GABRR3: variants seen among roughly 807,000 people sequenced by gnomAD.
The protein encoded by GABRR3 is gamma-aminobutyric acid receptor subunit rho-3.
In GABRR3, 29 loss-of-function variants were observed where a neutral mutation model predicts 43.2. The ratio of observed to expected loss-of-function variants is 0.67; its 90% CI spans 0.50 to 0.92. GABRR3 has a LOEUF of 0.92. GABRR3 is among the 40% of genes least tolerant of loss of function. The pLI, the probability that GABRR3 is intolerant of heterozygous loss-of-function variation, is 0.00. For synonymous variants in GABRR3, 206 were observed against 195.9 expected (o/e 1.05, Z -0.43); for missense variants, 576 against 572.3 (o/e 1.01, Z -0.07).
At chr3:98,020,263 G>T (rs1450434773) in intron 3 of GABRR3, among the ~76,000 whole-genome samples, 1 of 152,044 alleles carries the variant, frequency 6.6e-6, no homozygotes, top group Non-Finnish European at 1.5e-5. Context: ...TATAAAATTT[G>T]TCTAGTAATA....
intron 5 of GABRR3, among the ~76,000 whole-genome samples, chr3:98,009,677 T>C (rs927496148): frequency 2.6e-5 from 4 of 152,190 alleles, no homozygotes; most frequent in Non-Finnish European, 5.9e-5. Context: ...TGATCTTGCC[T>C]CAAAGTAGAA....
chr3:98,027,290 G>A (rs1559781787), intron 2 of GABRR3, among the ~76,000 whole-genome samples: 1 of 152,138 alleles, frequency 6.6e-6, no homozygotes, highest in Non-Finnish European at 1.5e-5. Flanking sequence ...TTTGGGGTAT[G>A]ACAATTTGCA....
intron 4 of GABRR3, among the ~76,000 whole-genome samples, chr3:98,015,356 C>A (rs1392690759): frequency 6.6e-6 from 1 of 152,106 alleles, no homozygotes; most frequent in East Asian, 1.9e-4. Context: ...CCACACCCAG[C>A]TAATTTTTTT....
downstream of GABRR3, chr3:97,986,598 C>T (rs776445555): frequency 5.6e-6 from 5 of 899,010 alleles, no homozygotes; most frequent in Non-Finnish European, 8.2e-6. Flanking sequence ...TTCCCAGTTC[C>T]ATCTAGGACT....
At chr3:98,017,265 C>G (rs955803506) in intron 4 of GABRR3, among the ~76,000 whole-genome samples, 1 of 152,088 alleles carries the variant, frequency 6.6e-6, no homozygotes, top group South Asian at 2.1e-4. Context: ...GAAAGCAGTC[C>G]ATCAATGCTG....
Position 98,035,112 on chromosome 3 carries a change from A to C in GABRR3, c.-3+78T>G. The stretch of plus-strand genomic sequence containing the variant: ...TCAGGGGAAATGCATTAGGGGAAAA[A>C]GAAAGACATTGTCTTCAATGCTGCA... On this transcript the variant is annotated intron_variant, in intron 1 of 9. Coordinates refer to ENST00000621172, the Ensembl canonical transcript of GABRR3. 3.4e-6 allele frequency: 4 copies of C among 1,174,564 alleles called. No individual in the cohort carries two copies. In the South Asian group the frequency reaches 6.6e-5, roughly 19 times the overall value. The allele number at this position is 1,174,564 out of a possible 1,614,324, so 72.8% of individuals were successfully genotyped here. A position where few individuals can be genotyped will look rare whatever the true frequency, so the allele number is the denominator to read the frequency against.
At chr3:97,989,147 T>C (rs1461740322) in intron 9 of GABRR3, among the ~76,000 whole-genome samples, 2 of 147,732 alleles carry the variant, frequency 1.4e-5, no homozygotes, top group African/African-American at 2.5e-5. Context: ...TGGGTGATAG[T>C]AGGATGTAGT....
chr3:97,992,123 A>C (rs1475563970), intron 9 of GABRR3, among the ~76,000 whole-genome samples: 1 of 152,194 alleles, frequency 6.6e-6, no homozygotes, highest in Non-Finnish European at 1.5e-5. Flanking sequence ...CAATCTACCT[A>C]CATTTATTAA....
chr3:98,013,181 C>T (rs1706828972), intron 4 of GABRR3, among the ~76,000 whole-genome samples: 1 of 152,160 alleles, frequency 6.6e-6, no homozygotes, highest in Non-Finnish European at 1.5e-5. Context: ...TGTGCAAAGA[C>T]TGACTTTTGA....
At chr3:98,035,058 C>T in intron 1 of GABRR3, 69 bp from the exon 2 acceptor site, 1 of 1,526,510 alleles carries the variant, frequency 6.6e-7, no homozygotes, top group Non-Finnish European at 8.8e-7. Context: ...GTTTCTTCTT[C>T]ATGTGTCTTT....
intron 3 of GABRR3, 94 bp downstream of exon 3, chr3:98,025,473 G>T: frequency 1.4e-6 from 1 of 727,170 alleles, no homozygotes; most frequent in Non-Finnish European, 2.2e-6. Context: ...TAAACTGATG[G>T]ACTTTACTTG....
intron 8 of GABRR3, chr3:97,997,631 G>C (rs1399801561): frequency 6.6e-6 from 1 of 152,114 alleles, no homozygotes; most frequent in Non-Finnish European, 1.5e-5. Flanking sequence ...TACAGAAATA[G>C]GTCAAAAGGG....
In GABRR3 at chr3:97,994,621, C is replaced by T. The variant is rs138215941; in HGVS notation, c.908-1573G>A. Reference sequence around the variant, plus strand: ...ACATGAAGCATGGAATTTTATTAAGCATGGAATTTTTATTAACATTACAGG... The same window carrying T: ...ACATGAAGCATGGAATTTTATTAAGTATGGAATTTTTATTAACATTACAGG... On this transcript the variant is annotated intron_variant, in intron 8 of 9. Coordinates refer to ENST00000621172, the Ensembl canonical transcript of GABRR3. 5.1e-3 allele frequency among the ~76,000 whole-genome samples: 773 copies of T among 152,276 alleles called. 7 individuals carry two copies. Among genetic ancestry groups the T allele is most frequent in the African/African-American group, 0.017 (707 of 41,542 alleles).
rs1706758508 is a variant in GABRR3 at position 98,009,158 on chromosome 3, A to G, written c.531-120T>C. ...CTGTGTGTCTTTCAAGAATAATGCA[A>G]AACAGGCAGTATTATCTTCTGTCCA... On this transcript the variant is annotated intron_variant, in intron 5 of 9. Coordinates refer to ENST00000621172, the Ensembl canonical transcript of GABRR3. 3 of 626,882 alleles carry G rather than the reference A, an allele frequency of 4.8e-6. No homozygotes were observed. The South Asian group carries it at 5.5e-5, about 11-fold the overall frequency. The allele number at this position is 626,882 out of a possible 1,614,324, so 38.8% of individuals were successfully genotyped here.
chr3:97,994,835 G>C (rs1706514781), intron 8 of GABRR3, among the ~76,000 whole-genome samples: 1 of 152,172 alleles, frequency 6.6e-6, no homozygotes, highest in Admixed American at 6.5e-5. Flanking sequence ...ATTATGCCAA[G>C]AGGCACAAAG....
intron 3 of GABRR3, among the ~76,000 whole-genome samples, chr3:98,020,840 C>G (rs1200194405): frequency 6.6e-6 from 1 of 150,938 alleles, no homozygotes; most frequent in Non-Finnish European, 1.5e-5. Flanking sequence ...TGGGTGCCGT[C>G]TGGCCTCATT....
chr3:97,987,100 G>T, intron 9 of GABRR3, 118 bp from the exon 10 acceptor site: 2 of 688,554 alleles, frequency 2.9e-6, no homozygotes, highest in Non-Finnish European at 4.7e-6. Flanking sequence ...TAGGCCAATT[G>T]GATTTGTTTT....
chr3:98,009,018 C>T, exon 6 of GABRR3: 1 of 1,606,684 alleles, frequency 6.2e-7, no homozygotes, highest in South Asian at 1.1e-5. Flanking sequence ...ATCCATAAAG[C>T]ACATGGCCGA....
At chr3:98,003,761 C>G (rs1349455801) in intron 7 of GABRR3, among the ~76,000 whole-genome samples, 1 of 152,118 alleles carries the variant, frequency 6.6e-6, no homozygotes, top group African/African-American at 2.4e-5. Flanking sequence ...CTACGACAGG[C>G]AGCCTTCACC....
Sources: allele counts gnomAD v4.1 joint callset (sites outside exome capture counted in the v4.1 genomes callset), GRCh38; gene constraint gnomAD v4.1.1; transcripts MANE v1.5; gene names NCBI Gene and HGNC (gene_info 2026-07-23, HGNC 2026-07-21).